Variants in NDRG3 observed in about 807,000 individuals in gnomAD.
NDRG3 encodes the protein protein NDRG3.
Under a neutral mutation model 57.2 loss-of-function variants are expected in NDRG3, and 23 were observed. The observed-to-expected ratio is 0.40, with a 90% CI of 0.29 to 0.57. The LOEUF (loss-of-function observed/expected upper bound fraction) is 0.57, where lower values mean the gene tolerates loss of function less well. Ranked by LOEUF, NDRG3 falls within the 20% of genes least tolerant of loss-of-function variation. The pLI is 0.42. For synonymous variants in NDRG3, 132 were observed against 162.6 expected (o/e 0.81, Z 1.43); for missense variants, 384 against 457.3 (o/e 0.84, Z 1.46).
intron 15 of NDRG3, chr20:36,654,967 A>G: frequency 1.4e-6 from 1 of 702,474 alleles, no homozygotes; most frequent in Non-Finnish European, 2.7e-6. Flanking sequence ...TTAAGGTCCC[A>G]GAGAGGAGGT....
intron 1 of NDRG3, among the ~76,000 whole-genome samples, chr20:36,738,817 T>A (rs1443067465): frequency 2.1e-5 from 2 of 93,912 alleles, no homozygotes; most frequent in Non-Finnish European, 2.1e-5. Flanking sequence ...AGTAAAAAAC[T>A]GTCTCAAAAA....
intron 4 of NDRG3, 88 bp downstream of exon 4, chr20:36,688,591 T>C (rs1024638051): frequency 1.0e-6 from 1 of 973,980 alleles, no homozygotes. Flanking sequence ...GGGAAACCTC[T>C]GCTCTATTAG....
At chr20:36,737,651 G>A (rs929224634) in intron 1 of NDRG3, among the ~76,000 whole-genome samples, 5 of 152,096 alleles carry the variant, frequency 3.3e-5, no homozygotes, top group African/African-American at 1.2e-4. Context: ...GCAGAGCAAG[G>A]ATTTGAACCT....
Position 36,653,715 on chromosome 20 carries a change from C to A in NDRG3, c.947-14G>T. 6.2e-7 allele frequency: 1 copy of A among 1,608,910 alleles called. No homozygotes were observed. The highest frequency in any genetic ancestry group is 8.5e-7 in the Non-Finnish European group (1 of 1,178,036). On this transcript the variant is annotated splice_polypyrimidine_tract_variant and intron_variant, in intron 15 of 15. Transcript: ENST00000349004. The surrounding 1 kb of genome is among the most constrained non-coding windows in gnomAD (Gnocchi z 4.2). ...TGGCAGATGGTACTGTAACAGAGAA[C>A]CAAGGGGACTAGAAGATGAAGCCCC... is the stretch of plus-strand genomic sequence containing the variant.
At chr20:36,658,486 G>A (rs1022212600) in intron 13 of NDRG3, among the ~76,000 whole-genome samples, 2 of 152,216 alleles carry the variant, frequency 1.3e-5, no homozygotes, top group African/African-American at 4.8e-5. Context: ...TCACCTCAGA[G>A]CATTAACTTC....
intron 2 of NDRG3, among the ~76,000 whole-genome samples, chr20:36,709,346 G>A (rs975310362): frequency 7.2e-5 from 11 of 152,174 alleles, no homozygotes; most frequent in Non-Finnish European, 2.9e-5. Context: ...AAGGAATAAC[G>A]TTATGAAAGA....
At chr20:36,656,853 C>T (rs1412349846) in intron 13 of NDRG3, among the ~76,000 whole-genome samples, 1 of 152,180 alleles carries the variant, frequency 6.6e-6, no homozygotes, top group East Asian at 1.9e-4. Context: ...TCAGAGCCCT[C>T]GAACAGTGTG....
chr20:36,696,786 C>T (rs994949017), intron 3 of NDRG3, among the ~76,000 whole-genome samples: 1 of 152,204 alleles, frequency 6.6e-6, no homozygotes, highest in South Asian at 2.1e-4. Context: ...CCACCACGCC[C>T]GGCCGCCTCT....
At chr20:36,658,114 A>C (rs1978838560) in intron 13 of NDRG3, among the ~76,000 whole-genome samples, 1 of 152,112 alleles carries the variant, frequency 6.6e-6, no homozygotes, top group Non-Finnish European at 1.5e-5. Flanking sequence ...TGAGAAACTA[A>C]TTTGAAACTA....
chr20:36,745,145 G>A (rs1986125943), intron 1 of NDRG3, among the ~76,000 whole-genome samples: 1 of 152,156 alleles, frequency 6.6e-6, no homozygotes, highest in South Asian at 2.1e-4. Context: ...TGACAAGGAA[G>A]GGGGAAGCAT....
At chr20:36,669,520 G>A (rs1254788431) in intron 9 of NDRG3, among the ~76,000 whole-genome samples, 6 of 149,898 alleles carry the variant, frequency 4.0e-5, no homozygotes, top group South Asian at 4.2e-4. Flanking sequence ...ATGAGCCACC[G>A]TGCCCAGCCT....
In NDRG3 at chr20:36,732,235, T is replaced by G. The variant is rs952068116; in HGVS notation, c.-48-10452A>C. On this transcript the variant is annotated intron_variant, in intron 1 of 15. Coordinates refer to ENST00000349004, the MANE Select transcript of NDRG3 (RefSeq NM_032013.4). ...ACACACTGGGAGGGGCTTTAAAAGA[T>G]TAACAAGATCAGTGACTTTCAAGTT... Among the ~76,000 whole-genome samples, 8 of 152,076 alleles carry G rather than the reference T, an allele frequency of 5.3e-5. 1 individual carries two copies. The highest frequency in any genetic ancestry group is 1.9e-4 in the African/African-American group (8 of 41,414).
intron 8 of NDRG3, 72 bp from the exon 9 acceptor site, chr20:36,671,469 G>C: frequency 8.8e-7 from 1 of 1,135,248 alleles, no homozygotes; most frequent in Non-Finnish European, 1.3e-6. Context: ...CAATTAAAAT[G>C]AGTGCACTTT....
intron 1 of NDRG3, among the ~76,000 whole-genome samples, chr20:36,721,991 C>T (rs1236018383): frequency 1.3e-5 from 2 of 152,110 alleles, no homozygotes; most frequent in African/African-American, 4.8e-5. Flanking sequence ...GCCTAATACC[C>T]CCAGTGAGTG....
At chr20:36,735,249 C>T (rs1985544001) in intron 1 of NDRG3, among the ~76,000 whole-genome samples, 1 of 152,194 alleles carries the variant, frequency 6.6e-6, no homozygotes, top group Admixed American at 6.5e-5. Flanking sequence ...ATCCGAAGTG[C>T]TTCAAAATCC....
intron 1 of NDRG3, among the ~76,000 whole-genome samples, chr20:36,729,103 C>T (rs1568670248): frequency 6.6e-6 from 1 of 152,070 alleles, no homozygotes; most frequent in Non-Finnish European, 1.5e-5. Flanking sequence ...ATTGTAGGAC[C>T]CTGAGCAAGT....
intron 8 of NDRG3, among the ~76,000 whole-genome samples, chr20:36,674,941 C>T (rs993870744): frequency 2.6e-5 from 3 of 115,452 alleles, no homozygotes; most frequent in African/African-American, 3.4e-5. Context: ...GTCACCTAGT[C>T]TGGAGTCCAG....
chr20:36,702,821 C>T (rs758102805), intron 3 of NDRG3, among the ~76,000 whole-genome samples: 98 of 151,924 alleles, frequency 6.5e-4, no homozygotes, highest in Middle Eastern at 6.8e-3. Flanking sequence ...CTCAAGTAGC[C>T]GGGATTACAG....
At chr20:36,741,290 A>T (rs1985917584) in intron 1 of NDRG3, among the ~76,000 whole-genome samples, 1 of 152,162 alleles carries the variant, frequency 6.6e-6, no homozygotes, top group African/African-American at 2.4e-5. Context: ...TACCAAGTAA[A>T]GCTGCTATCT....
Sources: allele counts gnomAD v4.1 joint callset (sites outside exome capture counted in the v4.1 genomes callset), GRCh38; gene constraint gnomAD v4.1.1; non-coding constraint Gnocchi (gnomAD v3.1); transcripts MANE v1.5; gene names NCBI Gene and HGNC (gene_info 2026-07-23, HGNC 2026-07-21).